Variants in CTNND2 observed in about 807,000 individuals in gnomAD.
CTNND2 encodes catenin delta-2.
In CTNND2, 22 loss-of-function variants were observed where a neutral mutation model predicts 144.4. The observed-to-expected ratio is 0.15, with a 90% CI of 0.11 to 0.22. The LOEUF is 0.22. Ranked by LOEUF, CTNND2 falls within the 10% of genes least tolerant of loss-of-function variation. The pLI, the probability that CTNND2 is intolerant of heterozygous loss-of-function variation, is 1.00. For missense variants in CTNND2, 1,353 were observed against 1,618.8 expected (o/e 0.84, Z 2.82); for synonymous variants, 751 against 695.6 (o/e 1.08, Z -1.25).
At chr5:11,515,084 G>A (rs1448989094) in intron 3 of CTNND2, among the ~76,000 whole-genome samples, 2 of 123,310 alleles carry the variant, frequency 1.6e-5, no homozygotes, top group South Asian at 2.5e-4. Flanking sequence ...GCAAACAAAC[G>A]AAAACATGCA....
intron 3 of CTNND2, among the ~76,000 whole-genome samples, chr5:11,448,840 G>GT (rs766443180): frequency 2.5e-4 from 37 of 145,632 alleles, no homozygotes; most frequent in South Asian, 4.2e-4. Flanking sequence ...GGCTTTTTGT[G>GT]TTTTTTTTTG....
At position 11,687,836 on chromosome 5, in the gene CTNND2, G is replaced by C. The variant is rs78972122; in HGVS notation, c.174+44300C>G. Among the ~76,000 whole-genome samples, 418 of 152,234 alleles carry C rather than the reference G, an allele frequency of 2.7e-3. 6 individuals carry two copies. In the East Asian group the frequency reaches 0.068, roughly 25 times the overall value. On this transcript the variant is annotated intron_variant, in intron 2 of 21. Transcript: ENST00000304623. The stretch of plus-strand genomic sequence containing the variant: ...CCAGGACTGCCATTTTCAGTAGGAT[G>C]GGCAGAAAAAACATTAATGGGAAAG...
intron 15 of CTNND2, among the ~76,000 whole-genome samples, chr5:11,092,890 C>T (rs1449117987): frequency 6.6e-6 from 1 of 152,196 alleles, no homozygotes; most frequent in African/African-American, 2.4e-5. Flanking sequence ...TTCACTTTTA[C>T]ATGATACACT....
At chr5:11,155,130 C>A (rs993560676) in intron 12 of CTNND2, among the ~76,000 whole-genome samples, 2 of 151,652 alleles carry the variant, frequency 1.3e-5, no homozygotes, top group Non-Finnish European at 2.9e-5. Context: ...CCAGAGAGAG[C>A]GGAGCCAGCT....
chr5:11,456,738 C>G (rs1344878825), intron 3 of CTNND2, among the ~76,000 whole-genome samples: 2 of 152,014 alleles, frequency 1.3e-5, no homozygotes, highest in Admixed American at 1.3e-4. Flanking sequence ...AAAGATAAAG[C>G]TTTCAATATA....
intron 1 of CTNND2, among the ~76,000 whole-genome samples, chr5:11,792,730 T>C (rs1362231493): frequency 2.0e-5 from 3 of 152,242 alleles, no homozygotes; most frequent in Non-Finnish European, 2.9e-5. Context: ...ATTCCATGGT[T>C]ACTTCCACCA....
intron 2 of CTNND2, among the ~76,000 whole-genome samples, chr5:11,616,276 G>A (rs2126405503): frequency 6.6e-6 from 1 of 152,210 alleles, no homozygotes; most frequent in South Asian, 2.1e-4. Flanking sequence ...GATCTACTAT[G>A]ACTTTGTCAA....
At chr5:11,779,973 T>C (rs1327779064) in intron 1 of CTNND2, among the ~76,000 whole-genome samples, 3 of 152,088 alleles carry the variant, frequency 2.0e-5, no homozygotes, top group South Asian at 2.1e-4. Flanking sequence ...CCCACTAGGA[T>C]TGGGGGAAGG....
At chr5:11,490,454 T>C (rs1023753321) in intron 3 of CTNND2, among the ~76,000 whole-genome samples, 5 of 152,228 alleles carry the variant, frequency 3.3e-5, no homozygotes, top group Non-Finnish European at 7.3e-5. Context: ...TTGGCAAATA[T>C]GGACTAGGCA....
chr5:11,101,687 T>C (rs974990781), intron 14 of CTNND2, among the ~76,000 whole-genome samples: 1 of 152,208 alleles, frequency 6.6e-6, no homozygotes, highest in African/African-American at 2.4e-5. Context: ...TTTTGGACTA[T>C]ATCTTGAGAA....
chr5:11,048,810 G>A (rs1427901867), intron 16 of CTNND2, among the ~76,000 whole-genome samples: 1 of 152,216 alleles, frequency 6.6e-6, no homozygotes, highest in Non-Finnish European at 1.5e-5. Context: ...GACAGAATTT[G>A]CCAGGTTTCC....
At chr5:11,091,922 A>G (rs1750814122) in intron 15 of CTNND2, among the ~76,000 whole-genome samples, 1 of 152,154 alleles carries the variant, frequency 6.6e-6, no homozygotes. Flanking sequence ...TCCTCTGCAC[A>G]TCTCTAGGGT....
At chr5:11,633,770 T>C (rs1274020731) in intron 2 of CTNND2, among the ~76,000 whole-genome samples, 2 of 109,812 alleles carry the variant, frequency 1.8e-5, no homozygotes, top group Non-Finnish European at 4.1e-5. Context: ...AATGAGGCAC[T>C]GTCTCAAAAA....
chr5:11,461,690 T>C (rs1049704236), intron 3 of CTNND2, among the ~76,000 whole-genome samples: 6 of 152,160 alleles, frequency 3.9e-5, no homozygotes, highest in African/African-American at 1.4e-4. Flanking sequence ...ATTTTAGGCA[T>C]CATTCAGCCA....
intron 3 of CTNND2, among the ~76,000 whole-genome samples, chr5:11,463,052 T>A (rs1470844552): frequency 6.6e-6 from 1 of 152,202 alleles, no homozygotes; most frequent in East Asian, 1.9e-4. Context: ...ATCACACAAG[T>A]CCAACATAAT....
intron 16 of CTNND2, among the ~76,000 whole-genome samples, chr5:11,023,787 T>C (rs1215152595): frequency 3.9e-5 from 6 of 152,242 alleles, no homozygotes; most frequent in African/African-American, 1.4e-4. Context: ...AAGGTACTTA[T>C]AATGACATAT....
intron 16 of CTNND2, among the ~76,000 whole-genome samples, chr5:11,031,530 TG>T (rs1743473648): frequency 6.6e-6 from 1 of 152,142 alleles, no homozygotes; most frequent in Non-Finnish European, 1.5e-5. Context: ...ATCAGTGTGA[TG>T]GTTAATATTA....
At chr5:11,056,082 C>T (rs565943382) in intron 16 of CTNND2, among the ~76,000 whole-genome samples, 111 of 152,228 alleles carry the variant, frequency 7.3e-4, no homozygotes, top group South Asian at 3.1e-3. Context: ...GGAGATGGGG[C>T]GGAGTGTCTC....
intron 2 of CTNND2, among the ~76,000 whole-genome samples, chr5:11,697,424 C>A (rs1364820735): frequency 6.6e-6 from 1 of 152,176 alleles, no homozygotes; most frequent in East Asian, 1.9e-4. Flanking sequence ...TCTTGATATT[C>A]ATTGTTATGG....
Sources: allele counts gnomAD v4.1 joint callset (sites outside exome capture counted in the v4.1 genomes callset), GRCh38; gene constraint gnomAD v4.1.1; transcripts MANE v1.5; gene names NCBI Gene and HGNC (gene_info 2026-07-23, HGNC 2026-07-21).